The following NAV2 variants were observed in gnomAD, a reference collection of about 807,000 sequenced individuals.
The protein encoded by NAV2 is helicase, APC down-regulated 1.
In NAV2, 54 loss-of-function variants were observed where a neutral mutation model predicts 223.2. The ratio of observed to expected loss-of-function variants is 0.24; its 90% CI spans 0.19 to 0.30. NAV2 has a LOEUF of 0.30. Ranked by LOEUF, NAV2 falls within the 10% of genes least tolerant of loss-of-function variation. NAV2 has a pLI of 1.00. For missense variants in NAV2, 2,806 were observed against 3,147.5 expected, an observed-to-expected ratio of 0.89 and a Z score of 2.60; for synonymous variants, 1,279 against 1,239.3, an observed-to-expected ratio of 1.03 and a Z score of -0.67.
chr11:20,043,076 AGGCATCATT>A (rs1457299226), intron 12 of NAV2, among the ~76,000 whole-genome samples: 1 of 152,218 alleles, frequency 6.6e-6, no homozygotes, highest in Non-Finnish European at 1.5e-5. Context: ...GGGTCGGAGC[AGGCATCATT>A]GGCTCTCCGC....
intron 1 of NAV2, among the ~76,000 whole-genome samples, chr11:19,720,135 C>A (rs2050639851): frequency 1.3e-5 from 2 of 152,232 alleles, no homozygotes; most frequent in South Asian, 4.1e-4. Context: ...AAGGCATGGC[C>A]AGCTGCCCAA....
At chr11:20,092,619 G>A (rs1019608685) in intron 28 of NAV2, among the ~76,000 whole-genome samples, 7 of 152,104 alleles carry the variant, frequency 4.6e-5, no homozygotes, top group African/African-American at 1.7e-4. Flanking sequence ...CGCCCACCAT[G>A]CTGAGTTTGT....
chr11:20,082,877 G>A (rs2060176833), intron 25 of NAV2, 130 bp from the exon 26 acceptor site: 10 of 897,538 alleles, frequency 1.1e-5, no homozygotes, highest in Non-Finnish European at 1.3e-5. Flanking sequence ...AAGAGCTCTT[G>A]GGAACCTCTT....
chr11:19,408,020 A>C (rs1849976976), intron 1 of NAV2, among the ~76,000 whole-genome samples: 1 of 151,982 alleles, frequency 6.6e-6, no homozygotes, highest in Non-Finnish European at 1.5e-5. Flanking sequence ...CTGACCTGGG[A>C]CTTTGTGCAC....
intron 1 of NAV2, among the ~76,000 whole-genome samples, chr11:19,491,631 C>G (rs2042629621): frequency 6.6e-6 from 1 of 152,146 alleles, no homozygotes; most frequent in Non-Finnish European, 1.5e-5. Flanking sequence ...GATCTTCTGT[C>G]CAGACAATTA....
chr11:19,469,515 C>A (rs1478576624), intron 1 of NAV2, among the ~76,000 whole-genome samples: 2 of 152,144 alleles, frequency 1.3e-5, no homozygotes, highest in Non-Finnish European at 2.9e-5. Flanking sequence ...AACCATTTTC[C>A]CCATGTGGTT....
At chr11:19,643,486 A>G (rs1283230834) in intron 1 of NAV2, among the ~76,000 whole-genome samples, 1 of 152,066 alleles carries the variant, frequency 6.6e-6, no homozygotes, top group African/African-American at 2.4e-5. Flanking sequence ...CCCACAAAGG[A>G]CATGAACTCA....
Position 19,812,160 on chromosome 11 carries a change from T to C in NAV2, c.268-20324T>C, listed in dbSNP as rs116886278. 6.0e-3 allele frequency among the ~76,000 whole-genome samples: 916 copies of C among 152,178 alleles called. 7 individuals carry two copies. The highest frequency in any genetic ancestry group is 0.021 in the Middle Eastern group (6 of 292). ...ACGGCTAAGCTGCCACCCCCCACAA[T>C]TTCTGATTCAATAGGCCTGGAGTGG... On this transcript the variant is annotated intron_variant, in intron 1 of 37. Coordinates refer to ENST00000349880, the MANE Select transcript of NAV2 (RefSeq NM_145117.5).
chr11:19,875,441 G>C (rs538139456), intron 4 of NAV2, among the ~76,000 whole-genome samples: 2 of 152,170 alleles, frequency 1.3e-5, no homozygotes, highest in South Asian at 2.1e-4. Flanking sequence ...CAGAATGGCT[G>C]TATGGGTACT....
intron 1 of NAV2, among the ~76,000 whole-genome samples, chr11:19,520,249 T>C (rs1447075566): frequency 1.3e-5 from 2 of 152,230 alleles, no homozygotes; most frequent in African/African-American, 2.4e-5. Flanking sequence ...GGCATTTTAC[T>C]AGACAACAGC....
At chr11:20,041,567 G>A (rs1048003947) in intron 12 of NAV2, among the ~76,000 whole-genome samples, 1 of 152,176 alleles carries the variant, frequency 6.6e-6, no homozygotes, top group Admixed American at 6.5e-5. Context: ...GATGTGGCAT[G>A]TGCTAAATTT....
intron 1 of NAV2, among the ~76,000 whole-genome samples, chr11:19,776,405 G>A (rs1469505942): frequency 6.6e-6 from 1 of 152,292 alleles, no homozygotes; most frequent in Admixed American, 6.5e-5. Context: ...GGAAATAAAG[G>A]CCACAGGCTG....
intron 1 of NAV2, among the ~76,000 whole-genome samples, chr11:19,719,680 C>T (rs956015686): frequency 7.9e-5 from 12 of 152,156 alleles, no homozygotes; most frequent in African/African-American, 1.7e-4. Flanking sequence ...CTCCCAAGTA[C>T]GCAGCTGAGT....
At chr11:19,974,715 A>G (rs1296356576) in intron 10 of NAV2, among the ~76,000 whole-genome samples, 1 of 152,188 alleles carries the variant, frequency 6.6e-6, no homozygotes, top group Admixed American at 6.6e-5. Context: ...GGAGTTTAGG[A>G]CAGCAGTGTA....
At chr11:19,997,215 A>G (rs1343562203) in intron 11 of NAV2, among the ~76,000 whole-genome samples, 3 of 152,180 alleles carry the variant, frequency 2.0e-5, no homozygotes, top group Non-Finnish European at 4.4e-5. Context: ...GTTTGACACT[A>G]GAAGGTGAGT....
intron 6 of NAV2, among the ~76,000 whole-genome samples, chr11:19,912,595 T>C (rs2043406829): frequency 6.6e-6 from 1 of 152,214 alleles, no homozygotes; most frequent in Non-Finnish European, 1.5e-5. Context: ...CGAATACTCA[T>C]TGTCATGAAG....
chr11:19,857,893 G>T (rs1462517205), intron 3 of NAV2, among the ~76,000 whole-genome samples: 2 of 152,072 alleles, frequency 1.3e-5, no homozygotes, highest in Non-Finnish European at 2.9e-5. Flanking sequence ...GTTTCACTCT[G>T]TCGCCCAGGC....
intron 1 of NAV2, among the ~76,000 whole-genome samples, chr11:19,537,935 T>C (rs922688839): frequency 2.0e-5 from 3 of 152,236 alleles, no homozygotes; most frequent in Admixed American, 1.3e-4. Context: ...GCCTAGGTGA[T>C]GCATTTTGCA....
At chr11:20,079,511 A>G (rs2059959641) in intron 24 of NAV2, among the ~76,000 whole-genome samples, 3 of 152,202 alleles carry the variant, frequency 2.0e-5, no homozygotes, top group Admixed American at 6.5e-5. Flanking sequence ...CACATTTTCA[A>G]TATCGGTGTT....
Sources: gnomAD v4.1 joint callset for allele counts (sites outside exome capture counted in the v4.1 genomes callset) on GRCh38, gnomAD v4.1.1 for gene constraint, MANE v1.5 for transcripts, NCBI Gene and HGNC (gene_info 2026-07-23, HGNC 2026-07-21) for gene names.